The following ANO9 variants were observed in gnomAD, a reference collection of about 807,000 sequenced individuals.
ANO9 encodes the protein anoctamin-9.
ANO9 carries 80 observed loss-of-function variants against 100.5 expected under a neutral mutation model. That is an observed-to-expected ratio of 0.80 (90% confidence interval 0.66 to 0.96). The LOEUF (loss-of-function observed/expected upper bound fraction) is 0.96, where lower values mean the gene tolerates loss of function less well. Among genes scored for constraint, ANO9 ranks in the 40% least tolerant of loss-of-function variants. The pLI, the probability that ANO9 is intolerant of heterozygous loss-of-function variation, is 0.00. For synonymous variants in ANO9, 473 were observed against 435.6 expected (o/e 1.09, Z -1.07); for missense variants, 1,064 against 1,072.7 (o/e 0.99, Z 0.11).
At position 418,224 on chromosome 11, in the gene ANO9, C is replaced by T. The variant is rs1847959487; in HGVS notation, c.*147G>A. 3 of 806,888 alleles carry T rather than the reference C, an allele frequency of 3.7e-6. No individual in the cohort carries two copies. The South Asian group carries it at 5.6e-5, about 15-fold the overall frequency. 50.0% of individuals were successfully genotyped at this position (806,888 alleles called of 1,614,324 possible). The stretch of plus-strand genomic sequence containing the variant: ...GCAGGCGGAATAGGGTGGCAGCTCA[C>T]AGCCCTGAACATACAGGGGATTCCT... On this transcript the variant is annotated 3_prime_UTR_variant, in exon 23 of 23. Coordinates refer to ENST00000332826, the MANE Select transcript of ANO9 (RefSeq NM_001012302.3).
chr11:437,025 C>G (rs1310200767), intron 1 of ANO9, among the ~76,000 whole-genome samples: 1 of 69,446 alleles, frequency 1.4e-5, no homozygotes, highest in Non-Finnish European at 2.9e-5. Context: ...TGGAGATGAG[C>G]GGGGGGTGAG....
Position 418,416 on chromosome 11 carries a change from A to T in ANO9, c.2304T>A (p.His768Gln), listed in dbSNP as rs1418734048. The T allele has an allele frequency of 1.9e-6, 3 of 1,612,338 alleles. No individual in the cohort carries two copies. The highest frequency in any genetic ancestry group is 2.5e-6 in the Non-Finnish European group (3 of 1,179,754). The change falls in exon 23 of 23, where the codon CAT becomes CAA. Residue 768 changes from histidine (H) to glutamine (Q), a missense_variant. Coordinates refer to ENST00000332826, the MANE Select transcript of ANO9 (RefSeq NM_001012302.3). The stretch of plus-strand genomic sequence containing the variant: ...CACTGAAGATGGATGCTGGGGTGGG[A>T]TGGGCAGGCATTGGGGGCCGAGAGC... Reference protein sequence around the residue: ...GAGSRPPMPAHPTPASIFSAR... With the variant: ...GAGSRPPMPAQPTPASIFSAR...
At chr11:433,225 G>A (rs1031907618) in intron 4 of ANO9, 89 bp downstream of exon 4, 16 of 1,509,678 alleles carry the variant, frequency 1.1e-5, no homozygotes, top group Non-Finnish European at 1.3e-5. Flanking sequence ...GCGACGCCTG[G>A]AGCCTGGCAC....
chr11:440,878 C>T (rs532418517), intron 1 of ANO9, among the ~76,000 whole-genome samples: 2 of 152,386 alleles, frequency 1.3e-5, no homozygotes, highest in South Asian at 4.1e-4. Flanking sequence ...GGACCACAGG[C>T]ATGCGCCACC....
intron 19 of ANO9, 113 bp from the exon 20 acceptor site, chr11:419,842 C>T: frequency 6.7e-7 from 1 of 1,495,526 alleles, no homozygotes; most frequent in East Asian, 2.3e-5. Context: ...GTGGTGTCCC[C>T]TTGCAGCCCT....
chr11:438,792 A>G (rs1184720179), intron 1 of ANO9, among the ~76,000 whole-genome samples: 1 of 152,146 alleles, frequency 6.6e-6, no homozygotes, highest in East Asian at 1.9e-4. Context: ...ACTTCCAGCC[A>G]TGCAGACTGT....
chr11:417,951 T>C lies in ANO9; in HGVS notation c.*420A>G, dbSNP rs1847948091. The C allele has an allele frequency of 5.5e-6, 1 of 181,434 alleles. No individual in the cohort carries two copies. The highest frequency in any genetic ancestry group is 2.4e-5 in the African/African-American group (1 of 42,168). The allele number at this position is 181,434 out of a possible 1,614,324, so 11.2% of individuals were successfully genotyped here. A position where few individuals can be genotyped will look rare whatever the true frequency, so the allele number is the denominator to read the frequency against. On this transcript the variant is annotated 3_prime_UTR_variant, in exon 23 of 23. Coordinates refer to ENST00000332826, the MANE Select transcript of ANO9 (RefSeq NM_001012302.3). This position sits in a 1 kb window ranked among gnomAD's most constrained non-coding sequence, Gnocchi z 4.2. ...GAAAGCAAGACAGACAGGCTTAATTTTACTGCAGAAACGGGTTGGCTGAAG... is the reference window on the plus strand; with the variant it reads ...GAAAGCAAGACAGACAGGCTTAATTCTACTGCAGAAACGGGTTGGCTGAAG...
intron 1 of ANO9, among the ~76,000 whole-genome samples, chr11:438,997 C>A (rs553404222): frequency 2.0e-5 from 3 of 152,318 alleles, no homozygotes; most frequent in Non-Finnish European, 4.4e-5. Context: ...GGGAGGCCGG[C>A]TCTGGGTGGA....
intron 19 of ANO9, 57 bp from the exon 20 acceptor site, chr11:419,786 C>T: frequency 6.3e-7 from 1 of 1,589,162 alleles, no homozygotes. Flanking sequence ...TGGTTCTGCC[C>T]TCACCCCCAC....
chr11:433,675 A>C, intron 3 of ANO9, 140 bp downstream of exon 3: 1 of 1,427,012 alleles, frequency 7.0e-7, no homozygotes. Flanking sequence ...GAGAGCCTCC[A>C]AGCCTGGCCC....
intron 1 of ANO9, 128 bp downstream of exon 1, chr11:441,793 G>A (rs1590572680): frequency 5.7e-6 from 8 of 1,393,238 alleles, no homozygotes; most frequent in South Asian, 1.4e-5. Context: ...CGGGCAGCCT[G>A]CAGGGACCCC....
intron 1 of ANO9, among the ~76,000 whole-genome samples, chr11:436,537 A>C (rs1488189560): frequency 6.6e-6 from 1 of 150,924 alleles, no homozygotes; most frequent in Non-Finnish European, 1.5e-5. Context: ...CACAGAACAG[A>C]AGGCTCTCAG....
chr11:425,290 G>T (rs1270438482), intron 15 of ANO9, among the ~76,000 whole-genome samples: 2 of 150,530 alleles, frequency 1.3e-5, no homozygotes, highest in Non-Finnish European at 3.0e-5. Flanking sequence ...CGGGACGCGC[G>T]GGAGGAAAAG....
chr11:441,773 C>G, intron 1 of ANO9, 148 bp downstream of exon 1: 1 of 1,297,398 alleles, frequency 7.7e-7, no homozygotes, highest in South Asian at 1.5e-5. Context: ...GGCGGTCACC[C>G]TCGCCTGACC....
chr11:420,854 C>T lies in ANO9; in HGVS notation c.1497G>A (p.Val499=), dbSNP rs1414827561. The T allele has an allele frequency of 6.3e-7, 1 of 1,590,544 alleles. No individual in the cohort carries two copies. The highest frequency in any genetic ancestry group is 1.1e-5 in the South Asian group (1 of 89,568). The change falls in exon 18 of 23, where the codon GTG becomes GTA. Residue 499 remains valine, a synonymous_variant. Transcript: ENST00000332826. ...CCCGCAGAGAGCGGCACTTGTGGGTCACCCACCTGCGGGGAGAGCTGCGTG... is the reference window on the plus strand; with the variant it reads ...CCCGCAGAGAGCGGCACTTGTGGGTTACCCACCTGCGGGGAGAGCTGCGTG... ...SNCVEYLVPW[V]THKCRSLRAS...
intron 11 of ANO9, 121 bp downstream of exon 11, chr11:429,449 G>A (rs1848748960): frequency 1.3e-6 from 2 of 1,505,742 alleles, no homozygotes; most frequent in African/African-American, 1.4e-5. Context: ...CCCCACATGT[G>A]GGGAGACAGA....
chr11:431,819 G>A, intron 6 of ANO9, 29 bp downstream of exon 6: 4 of 1,611,922 alleles, frequency 2.5e-6, no homozygotes, highest in Non-Finnish European at 3.4e-6. Context: ...CCCACCCCAG[G>A]GCCCTCTCCA....
At chr11:419,275 A>T (rs1207117797) in intron 20 of ANO9, 1 of 1,415,052 alleles carries the variant, frequency 7.1e-7, no homozygotes, top group Admixed American at 2.9e-5. Context: ...GAGCTGGATA[A>T]ATCAGAAGAG....
intron 1 of ANO9, 120 bp downstream of exon 1, chr11:441,799 ACC>A (rs1337136119): frequency 1.4e-4 from 193 of 1,357,348 alleles, no homozygotes; most frequent in East Asian, 2.9e-4. Flanking sequence ...GCCTGCAGGG[ACC>A]CCCCCCACAC....
Sources: allele counts gnomAD v4.1 joint callset (sites outside exome capture counted in the v4.1 genomes callset), GRCh38; gene constraint gnomAD v4.1.1; non-coding constraint Gnocchi (gnomAD v3.1); transcripts MANE v1.5; gene names NCBI Gene and HGNC (gene_info 2026-07-23, HGNC 2026-07-21).